ZNF385B: variants seen among roughly 807,000 people sequenced by gnomAD.
ZNF385B encodes zinc finger protein 533.
Under a neutral mutation model 39.2 loss-of-function variants are expected in ZNF385B, and 23 were observed. That is an observed-to-expected ratio of 0.59 (90% CI 0.42 to 0.83). The LOEUF (loss-of-function observed/expected upper bound fraction) is 0.83, where lower values mean the gene tolerates loss of function less well. Among genes scored for constraint, ZNF385B ranks in the 40% least tolerant of loss-of-function variants. The pLI is 0.00. For synonymous variants in ZNF385B, 205 were observed against 222.6 expected (o/e 0.92, Z 0.70); for missense variants, 552 against 598.9 (o/e 0.92, Z 0.82).
chr2:179,831,814 A>G lies in ZNF385B; in HGVS notation c.-155+29287T>C, dbSNP rs569776259. On this transcript the variant is annotated intron_variant, in intron 1 of 9. Coordinates refer to ENST00000410066, the MANE Select transcript of ZNF385B (RefSeq NM_152520.6). ...GTCCAAGCTCTGCCACTCCTGTGCC[A>G]AGCACATCTGTCTCTTGAGATCTCA... is the stretch of plus-strand genomic sequence containing the variant. 1.5e-4 allele frequency among the ~76,000 whole-genome samples: 23 copies of G among 152,360 alleles called. 1 individual carries two copies. In the South Asian group the frequency reaches 4.8e-3, roughly 32 times the overall value.
chr2:179,728,503 G>T (rs1701166700), intron 3 of ZNF385B, among the ~76,000 whole-genome samples: 1 of 152,098 alleles, frequency 6.6e-6, no homozygotes, highest in Admixed American at 6.6e-5. Flanking sequence ...ACCACACCAT[G>T]ACCTCTTTTA....
intron 3 of ZNF385B, among the ~76,000 whole-genome samples, chr2:179,630,434 C>T (rs1691094320): frequency 6.6e-6 from 1 of 152,174 alleles, no homozygotes; most frequent in Non-Finnish European, 1.5e-5. Flanking sequence ...AGGGACCTGA[C>T]TATTAGAAGG....
chr2:179,695,177 T>A (rs1489642549), intron 3 of ZNF385B, among the ~76,000 whole-genome samples: 4 of 152,154 alleles, frequency 2.6e-5, no homozygotes, highest in Admixed American at 6.5e-5. Flanking sequence ...ACAACTAGAG[T>A]TATGATATCA....
chr2:179,502,484 C>T (rs1032127017), intron 5 of ZNF385B, among the ~76,000 whole-genome samples: 5 of 152,066 alleles, frequency 3.3e-5, no homozygotes, highest in African/African-American at 1.2e-4. Flanking sequence ...TGTTAGAGTT[C>T]TCATGAGATC....
At chr2:179,552,932 C>A (rs1380562093) in intron 3 of ZNF385B, among the ~76,000 whole-genome samples, 2 of 149,210 alleles carry the variant, frequency 1.3e-5, no homozygotes, top group Admixed American at 6.7e-5. Context: ...TTAGTCCTTG[C>A]AATCTGATTA....
At chr2:179,489,730 C>T (rs901421646) in intron 5 of ZNF385B, among the ~76,000 whole-genome samples, 8 of 152,124 alleles carry the variant, frequency 5.3e-5, no homozygotes, top group African/African-American at 1.9e-4. Context: ...AAGAGAAAGG[C>T]TTACATATCC....
At chr2:179,488,813 T>C (rs2054894985) in intron 5 of ZNF385B, among the ~76,000 whole-genome samples, 1 of 152,080 alleles carries the variant, frequency 6.6e-6, no homozygotes, top group African/African-American at 2.4e-5. Context: ...AAATAAAACA[T>C]ATGTCAAATG....
intron 3 of ZNF385B, among the ~76,000 whole-genome samples, chr2:179,647,803 CT>C (rs1480370216): frequency 6.6e-6 from 1 of 152,166 alleles, no homozygotes; most frequent in Admixed American, 6.5e-5. Context: ...GTCTAAGCCA[CT>C]TTTTTTATTC....
intron 3 of ZNF385B, among the ~76,000 whole-genome samples, chr2:179,757,731 G>A (rs769656804): frequency 1.1e-4 from 17 of 152,178 alleles, no homozygotes; most frequent in Non-Finnish European, 2.5e-4. Flanking sequence ...AGCAATGAGC[G>A]AGGCTCCGTG....
intron 1 of ZNF385B, among the ~76,000 whole-genome samples, chr2:179,851,819 T>C (rs1684185083): frequency 6.6e-6 from 1 of 152,208 alleles, no homozygotes; most frequent in South Asian, 2.1e-4. Context: ...CCATACACAG[T>C]AAACAGTTTT....
At chr2:179,700,835 A>G (rs1699137057) in intron 3 of ZNF385B, among the ~76,000 whole-genome samples, 1 of 152,134 alleles carries the variant, frequency 6.6e-6, no homozygotes, top group Admixed American at 6.5e-5. Flanking sequence ...AACACGGTGA[A>G]ACCCCGTCCC....
At chr2:179,845,073 T>C (rs142941116) in intron 1 of ZNF385B, among the ~76,000 whole-genome samples, 1 of 152,292 alleles carries the variant, frequency 6.6e-6, no homozygotes, top group East Asian at 1.9e-4. Context: ...CCAATACAAT[T>C]GATTATCTCA....
chr2:179,661,506 CATCTAT>C (rs1247127030), intron 3 of ZNF385B, among the ~76,000 whole-genome samples: 1 of 152,152 alleles, frequency 6.6e-6, no homozygotes, highest in African/African-American at 2.4e-5. Flanking sequence ...CTGATATCTA[CATCTAT>C]ATCTTATTGA....
chr2:179,504,663 T>C (rs541446938), intron 5 of ZNF385B, among the ~76,000 whole-genome samples: 2 of 149,456 alleles, frequency 1.3e-5, no homozygotes, highest in East Asian at 3.9e-4. Flanking sequence ...TGTTGTGGGG[T>C]GGGGAGAGGG....
intron 3 of ZNF385B, among the ~76,000 whole-genome samples, chr2:179,547,003 C>A (rs2060278347): frequency 1.3e-5 from 2 of 149,690 alleles, no homozygotes; most frequent in African/African-American, 2.5e-5. Context: ...TTTTCATATA[C>A]CTGTTTGCCA....
At position 179,470,517 on chromosome 2, in the gene ZNF385B, G is replaced by A. The variant is rs530841885; in HGVS notation, c.715+12755C>T. 8.5e-5 allele frequency among the ~76,000 whole-genome samples: 13 copies of A among 152,236 alleles called. No individual in the cohort carries two copies. In the East Asian group the frequency reaches 2.1e-3, roughly 25 times the overall value. On this transcript the variant is annotated intron_variant, in intron 6 of 9. Transcript: ENST00000410066. ...GGGCTATGGTGCAAGAAGCAGGGTC[G>A]CTAGGGCCACTCAGGGAGAAGGAAC...
intron 4 of ZNF385B, among the ~76,000 whole-genome samples, chr2:179,537,303 CAAAAAA>C (rs34677912): frequency 9.6e-6 from 1 of 103,678 alleles, no homozygotes; most frequent in Non-Finnish European, 1.9e-5. Context: ...ACCTCTGTCT[CAAAAAA>C]AAAAAAATAA....
At chr2:179,470,484 G>GCC (rs3054058) in intron 6 of ZNF385B, among the ~76,000 whole-genome samples, 5,989 of 151,806 alleles carry the variant, frequency 0.039, 401 homozygotes, top group African/African-American at 0.14. Context: ...ATATGGTTTG[G>GCC]CCCCCCCGGG....
intron 3 of ZNF385B, among the ~76,000 whole-genome samples, chr2:179,556,888 C>G (rs2060942041): frequency 6.7e-6 from 1 of 148,980 alleles, no homozygotes; most frequent in South Asian, 2.2e-4. Flanking sequence ...TAAAATCCAA[C>G]AATTGGCAGT....
Sources: gnomAD v4.1 joint callset for allele counts (sites outside exome capture counted in the v4.1 genomes callset) on GRCh38, gnomAD v4.1.1 for gene constraint, MANE v1.5 for transcripts, NCBI Gene and HGNC (gene_info 2026-07-23, HGNC 2026-07-21) for gene names.